Variants in BMAL1 observed in about 807,000 individuals in gnomAD.
The protein encoded by BMAL1 is basic helix-loop-helix ARNT-like protein 1.
the BMAL1 span, among the ~76,000 whole-genome samples, chr11:13,316,788 A>G: frequency 6.6e-6 from 1 of 152,218 alleles, no homozygotes; most frequent in Non-Finnish European, 1.5e-5. Context: ...GAGGAGGAGA[A>G]GGGGGACGTT....
At chr11:13,312,827 T>C in the BMAL1 span, among the ~76,000 whole-genome samples, 4 of 152,188 alleles carry the variant, frequency 2.6e-5, no homozygotes, top group African/African-American at 4.8e-5. Flanking sequence ...ACAAGACACT[T>C]AGCCTCTCAG....
chr11:13,375,622 G>A, the BMAL1 span: 33 of 1,572,828 alleles, frequency 2.1e-5, no homozygotes, highest in South Asian at 1.8e-4. Context: ...TTTTACAGAC[G>A]AGAGAAAAAA....
the BMAL1 span, among the ~76,000 whole-genome samples, chr11:13,366,459 G>A: frequency 2.1e-4 from 32 of 152,148 alleles, no homozygotes; most frequent in East Asian, 1.5e-3. Flanking sequence ...GGGTTTTCCC[G>A]TCATGTTATC....
At chr11:13,385,791 G>A in the BMAL1 span, 1 of 1,605,710 alleles carries the variant, frequency 6.2e-7, no homozygotes, top group Non-Finnish European at 8.5e-7. Context: ...TTCTATTCTT[G>A]GTAAGTGGCA....
chr11:13,332,405 G>A, the BMAL1 span, among the ~76,000 whole-genome samples: 39 of 152,222 alleles, frequency 2.6e-4, no homozygotes, highest in East Asian at 5.6e-3. Context: ...ACCTGCTTTC[G>A]AGTTCTCAGA....
chr11:13,322,347 CTT>C, the BMAL1 span, among the ~76,000 whole-genome samples: 3 of 152,176 alleles, frequency 2.0e-5, no homozygotes, highest in Admixed American at 6.5e-5. Flanking sequence ...ATACTCAACT[CTT>C]AGATTTCTTG....
At chr11:13,300,794 G>A in the BMAL1 span, among the ~76,000 whole-genome samples, 1 of 152,184 alleles carries the variant, frequency 6.6e-6, no homozygotes, top group Non-Finnish European at 1.5e-5. Context: ...AAAGGATTTG[G>A]TTCTTTGGTT....
At chr11:13,290,172 T>C in the BMAL1 span, among the ~76,000 whole-genome samples, 3 of 152,256 alleles carry the variant, frequency 2.0e-5, no homozygotes, top group Admixed American at 6.5e-5. Flanking sequence ...GTTGGCTGCA[T>C]AAATGTCTTC....
the BMAL1 span, among the ~76,000 whole-genome samples, chr11:13,300,331 C>G: frequency 6.6e-6 from 1 of 152,196 alleles, no homozygotes; most frequent in African/African-American, 2.4e-5. Context: ...ATTTGTCTAG[C>G]TAATGGCAAT....
the BMAL1 span, chr11:13,353,458 G>A: frequency 6.6e-6 from 1 of 152,162 alleles, no homozygotes; most frequent in Admixed American, 6.5e-5. Flanking sequence ...CATAACAGGA[G>A]TACAAAGATA....
At chr11:13,369,579 C>T in the BMAL1 span, 1 of 1,612,042 alleles carries the variant, frequency 6.2e-7, no homozygotes, top group Non-Finnish European at 8.5e-7. Flanking sequence ...ACAGACAACA[C>T]TGCTCTCAGT....
the BMAL1 span, among the ~76,000 whole-genome samples, chr11:13,344,086 G>C: frequency 6.6e-6 from 1 of 152,068 alleles, no homozygotes; most frequent in Admixed American, 6.5e-5. Flanking sequence ...TGCATATAGT[G>C]CTGTCCTCTG....
At chr11:13,378,508 C>T in the BMAL1 span, 2 of 1,554,122 alleles carry the variant, frequency 1.3e-6, no homozygotes, top group Non-Finnish European at 1.7e-6. Flanking sequence ...AAATTTTTTC[C>T]CCCAGGCAAT....
the BMAL1 span, among the ~76,000 whole-genome samples, chr11:13,308,197 G>C: frequency 1.3e-5 from 2 of 152,234 alleles, no homozygotes; most frequent in Admixed American, 1.3e-4. Flanking sequence ...GGTCTGGGCA[G>C]CTGGAAGAAC....
At chr11:13,364,725 A>G in the BMAL1 span, among the ~76,000 whole-genome samples, 3 of 152,236 alleles carry the variant, frequency 2.0e-5, no homozygotes, top group East Asian at 5.8e-4. Context: ...CTCTTTACCA[A>G]ATGTTGTCCT....
At chr11:13,279,060 T>A in the BMAL1 span, among the ~76,000 whole-genome samples, 1 of 152,254 alleles carries the variant, frequency 6.6e-6, no homozygotes, top group East Asian at 1.9e-4. Flanking sequence ...AGAGACCCGC[T>A]GCCGCCGCGC....
the BMAL1 span, among the ~76,000 whole-genome samples, chr11:13,354,061 C>T: frequency 6.9e-4 from 105 of 152,166 alleles, no homozygotes; most frequent in African/African-American, 2.1e-3. Flanking sequence ...GAAAAATGAG[C>T]GGGTGGGCTT....
At chr11:13,281,139 C>G in the BMAL1 span, among the ~76,000 whole-genome samples, 1 of 152,294 alleles carries the variant, frequency 6.6e-6, no homozygotes, top group East Asian at 1.9e-4. Context: ...CTCACCTCTA[C>G]CCGGGTCCTA....
chr11:13,376,395 G>A, the BMAL1 span: 31 of 534,446 alleles, frequency 5.8e-5, no homozygotes, highest in East Asian at 1.0e-3. Context: ...GGTTACTGCA[G>A]CCACCACCTC....
Sources: allele counts gnomAD v4.1 joint callset (sites outside exome capture counted in the v4.1 genomes callset), GRCh38; gene constraint gnomAD v4.1.1; transcripts MANE v1.5; gene names NCBI Gene and HGNC (gene_info 2026-07-23, HGNC 2026-07-21).